Variants in MAP3K15 observed in about 807,000 individuals in gnomAD.
The protein encoded by MAP3K15 is MAPK/ERK kinase kinase 15.
Under a neutral mutation model 99.5 loss-of-function variants are expected in MAP3K15, and 124 were observed. That is an observed-to-expected ratio of 1.25 (90% confidence interval 1.08 to 1.45). The LOEUF (loss-of-function observed/expected upper bound fraction) is 1.45, where lower values mean the gene tolerates loss of function less well. Ranked by LOEUF, MAP3K15 falls within the 40% of genes most tolerant of loss-of-function variation. MAP3K15 has a pLI of 0.00. For synonymous variants in MAP3K15, 494 were observed against 439.6 expected (o/e 1.12, Z -1.55); for missense variants, 1,242 against 1,079.7 (o/e 1.15, Z -2.11).
chrX:19,419,631 G>A (rs1395435809), intron 9 of MAP3K15, among the ~76,000 whole-genome samples: 2 of 111,011 alleles, frequency 1.8e-5, no homozygotes, highest in Admixed American at 9.6e-5. Context: ...ACAGATCCAC[G>A]AGACAGAAAG....
At chrX:19,409,364 G>A (rs966772741) in intron 12 of MAP3K15, among the ~76,000 whole-genome samples, 2 of 111,702 alleles carry the variant, frequency 1.8e-5, no homozygotes, top group East Asian at 2.8e-4. Flanking sequence ...TCTCACCCTC[G>A]AATGAGCTGC....
At position 19,361,129 on chromosome X, in the gene MAP3K15, G is replaced by A. The variant is rs1013518852; in HGVS notation, c.3857+210C>T. 1.4e-5 allele frequency: 6 copies of A among 422,592 alleles called. No individual in the cohort carries two copies. The Admixed American group carries it at 2.8e-4, about 19-fold the overall frequency. 34.8% of individuals were successfully genotyped at this position (422,592 alleles called of 1,213,427 possible). ...ACCCACTCCCAGCCAGGCATTAATG[G>A]CAGGAGATTGGCCAGCTCTTCTCTG... On this transcript the variant is annotated intron_variant, in intron 28 of 28. Transcript: ENST00000338883.
At chrX:19,420,131 A>G (rs1214629352) in intron 9 of MAP3K15, among the ~76,000 whole-genome samples, 1 of 111,863 alleles carries the variant, frequency 8.9e-6, no homozygotes, top group Non-Finnish European at 1.9e-5. Context: ...TACAAGAACT[A>G]GAGAAGCAAG....
intron 22 of MAP3K15, 97 bp downstream of exon 22, chrX:19,372,556 A>T: frequency 1.3e-6 from 1 of 785,535 alleles, no homozygotes; most frequent in Non-Finnish European, 1.8e-6. Flanking sequence ...CAGATGTTCC[A>T]GGGCGGCAGG....
At chrX:19,465,632 T>G (rs934959405) in intron 3 of MAP3K15, among the ~76,000 whole-genome samples, 1 of 107,211 alleles carries the variant, frequency 9.3e-6, no homozygotes, top group Non-Finnish European at 1.9e-5. Flanking sequence ...CACATGCCTG[T>G]AGTCCCAGCT....
chrX:19,399,064 G>A (rs1006666714), intron 14 of MAP3K15, among the ~76,000 whole-genome samples: 4 of 112,345 alleles, frequency 3.6e-5, no homozygotes, highest in Non-Finnish European at 7.5e-5. Flanking sequence ...ACTTACAGAA[G>A]TGCAGCTTAT....
At chrX:19,504,329 C>A (rs888677937) in intron 1 of MAP3K15, among the ~76,000 whole-genome samples, 1 of 110,955 alleles carries the variant, frequency 9.0e-6, no homozygotes, top group African/African-American at 3.3e-5. Flanking sequence ...TGGAGGAGTG[C>A]GTCACCTAAC....
intron 19 of MAP3K15, among the ~76,000 whole-genome samples, chrX:19,379,461 T>C (rs1308473492): frequency 1.0e-5 from 1 of 96,149 alleles, no homozygotes; most frequent in Non-Finnish European, 2.1e-5. Context: ...TTTTTTTTTT[T>C]TTTTTTGAGG....
At chrX:19,503,916 A>G (rs2064457190) in intron 1 of MAP3K15, among the ~76,000 whole-genome samples, 1 of 106,096 alleles carries the variant, frequency 9.4e-6, no homozygotes, top group African/African-American at 3.5e-5. Context: ...GGAGTTCGAG[A>G]CCAGCCTGGG....
chrX:19,442,804 T>C (rs1236364105), intron 6 of MAP3K15, among the ~76,000 whole-genome samples: 1 of 103,839 alleles, frequency 9.6e-6, no homozygotes, highest in East Asian at 3.0e-4. Flanking sequence ...CTCACTGCAA[T>C]CTCCACTTCC....
At chrX:19,417,202 A>G (rs1477313667) in intron 9 of MAP3K15, among the ~76,000 whole-genome samples, 7 of 112,372 alleles carry the variant, frequency 6.2e-5, no homozygotes, top group African/African-American at 2.3e-4. Flanking sequence ...TGGGTGCAGG[A>G]CAGGGGGTGC....
chrX:19,444,830 G>A (rs1435172298), intron 6 of MAP3K15, among the ~76,000 whole-genome samples: 3 of 111,283 alleles, frequency 2.7e-5, no homozygotes, highest in African/African-American at 6.5e-5. Context: ...CAGTAGGTGC[G>A]AAAGACACAC....
At chrX:19,501,698 G>T (rs945650225) in intron 1 of MAP3K15, among the ~76,000 whole-genome samples, 5 of 111,992 alleles carry the variant, frequency 4.5e-5, no homozygotes, top group African/African-American at 1.6e-4. Context: ...CTCAAACAGT[G>T]GCAAAGAAAA....
rs770474633 is a variant in MAP3K15 at position 19,380,237 on chromosome X, C to G, written c.2472G>C (p.Gly824=). 2.5e-6 allele frequency: 3 copies of G among 1,204,853 alleles called. No homozygotes were observed. Among genetic ancestry groups the G allele is most frequent in the African/African-American group, 3.5e-5 (2 of 56,734 alleles). The change falls in exon 19 of 29, where the codon GGG becomes GGC. Residue 824 remains glycine, a synonymous_variant. Coordinates refer to ENST00000338883, the MANE Select transcript of MAP3K15 (RefSeq NM_001001671.4). ...QYMAPEIIDQ[G]PRGYGAPADI... Reference sequence around the variant, plus strand: ...CGGCTGGGGCACCATATCCGCGAGGCCCTTGGTCAATTATCTCAGGTGCCA... The same window carrying G: ...CGGCTGGGGCACCATATCCGCGAGGGCCTTGGTCAATTATCTCAGGTGCCA...
intron 18 of MAP3K15, among the ~76,000 whole-genome samples, chrX:19,384,181 G>A (rs2063478594): frequency 9.0e-6 from 1 of 111,679 alleles, no homozygotes; most frequent in Non-Finnish European, 1.9e-5. Context: ...CCTGTCATCT[G>A]CAACAACATG....
At position 19,371,455 on chromosome X, in the gene MAP3K15, G is replaced by C; in HGVS notation, c.3184C>G (p.Pro1062Ala). Residue 1062 changes from proline (P) to alanine (A), a missense_variant, in exon 23 of 29, where the codon CCA (proline) becomes GCA (alanine). Coordinates refer to ENST00000338883, the MANE Select transcript of MAP3K15 (RefSeq NM_001001671.4). ...GTGGTCGCCATCACCCGGTGCTCTG[G>C]GGAGCGGATGAAGTCCCTCAGGATC... Reference protein sequence around the residue: ...IGILRDFIRSPEHRVMATTIS... With the variant: ...IGILRDFIRSAEHRVMATTIS... 1 of 1,210,578 alleles carries C rather than the reference G, an allele frequency of 8.3e-7. No individual in the cohort carries two copies. The highest frequency in any genetic ancestry group is 1.1e-6 in the Non-Finnish European group (1 of 894,531).
At chrX:19,440,103 A>G (rs2063948864) in intron 6 of MAP3K15, among the ~76,000 whole-genome samples, 1 of 111,391 alleles carries the variant, frequency 9.0e-6, no homozygotes, top group African/African-American at 3.3e-5. Context: ...AGCTCCCACC[A>G]GGCTGGCTCA....
chrX:19,379,441 CTTTTTTTT>C (rs770431394), intron 19 of MAP3K15, among the ~76,000 whole-genome samples: 5 of 62,348 alleles, frequency 8.0e-5, no homozygotes, highest in African/African-American at 1.9e-4. Flanking sequence ...AGTGTTTTTC[CTTTTTTTT>C]TTTTTTTTTT....
At chrX:19,511,295 G>A (rs9887419) in intron 1 of MAP3K15, among the ~76,000 whole-genome samples, 1 of 111,914 alleles carries the variant, frequency 8.9e-6, no homozygotes, top group African/African-American at 3.2e-5. Flanking sequence ...AAAAGCAACG[G>A]CAACAAAAGC....
Sources: gnomAD v4.1 joint callset for allele counts (sites outside exome capture counted in the v4.1 genomes callset) on GRCh38, gnomAD v4.1.1 for gene constraint, MANE v1.5 for transcripts, NCBI Gene and HGNC (gene_info 2026-07-23, HGNC 2026-07-21) for gene names.